Variants in MAGI2 observed in about 807,000 individuals in gnomAD.
The protein encoded by MAGI2 is membrane associated guanylate kinase, WW and PDZ domain containing 2.
In MAGI2, 35 loss-of-function variants were observed where a neutral mutation model predicts 133.3. That is an observed-to-expected ratio of 0.26 (90% CI 0.20 to 0.35). The LOEUF (loss-of-function observed/expected upper bound fraction) is 0.35, where lower values mean the gene tolerates loss of function less well. Ranked by LOEUF, MAGI2 falls within the 10% of genes least tolerant of loss-of-function variation. The probability of loss-of-function intolerance (pLI) is 1.00; values close to 1 mark genes in which losing one functional copy is unlikely to be tolerated. For synonymous variants in MAGI2, 729 were observed against 710.6 expected (o/e 1.03, Z -0.41); for missense variants, 1,636 against 1,863.4 (o/e 0.88, Z 2.25).
chr7:78,968,809 G>A (rs560158114), intron 2 of MAGI2, among the ~76,000 whole-genome samples: 2 of 152,124 alleles, frequency 1.3e-5, no homozygotes, highest in African/African-American at 4.8e-5. Context: ...ATTTCTGAGA[G>A]TTAAGGGGAG....
At chr7:79,149,972 T>C (rs928013113) in intron 1 of MAGI2, among the ~76,000 whole-genome samples, 1 of 152,116 alleles carries the variant, frequency 6.6e-6, no homozygotes. Flanking sequence ...AGTGTTGATA[T>C]GCAGGGGAGG....
chr7:78,896,027 T>C (rs998312738), intron 2 of MAGI2, among the ~76,000 whole-genome samples: 2 of 152,182 alleles, frequency 1.3e-5, no homozygotes, highest in Non-Finnish European at 1.5e-5. Context: ...AGAATGATTC[T>C]TTTTTCAAAT....
intron 1 of MAGI2, chr7:79,414,863 T>C (rs943103984): frequency 1.3e-5 from 2 of 152,124 alleles, no homozygotes; most frequent in Non-Finnish European, 2.9e-5. Flanking sequence ...TTCTGTAATA[T>C]TTCCAATCTA....
chr7:78,102,893 G>A (rs1240912895), intron 20 of MAGI2, among the ~76,000 whole-genome samples: 3 of 152,154 alleles, frequency 2.0e-5, no homozygotes, highest in South Asian at 2.1e-4. Context: ...TTTTACTTCC[G>A]TCTTATTTTC....
intron 1 of MAGI2, among the ~76,000 whole-genome samples, chr7:79,012,728 T>C (rs1808288268): frequency 6.6e-6 from 1 of 152,102 alleles, no homozygotes; most frequent in Non-Finnish European, 1.5e-5. Context: ...ACCTCATTTT[T>C]TCTCATCTAT....
chr7:78,552,270 A>G (rs1285670006), intron 3 of MAGI2, among the ~76,000 whole-genome samples: 1 of 128,360 alleles, frequency 7.8e-6, no homozygotes, highest in African/African-American at 3.0e-5. Flanking sequence ...CGCAACCTCC[A>G]CCTCCTGGGT....
chr7:79,402,583 C>T (rs1008614698), intron 1 of MAGI2, among the ~76,000 whole-genome samples: 5 of 152,266 alleles, frequency 3.3e-5, no homozygotes, highest in African/African-American at 1.2e-4. Flanking sequence ...ATCTTGTATC[C>T]TCTAAGTCCG....
intron 1 of MAGI2, among the ~76,000 whole-genome samples, chr7:79,130,911 TCA>T (rs1820880498): frequency 1.3e-5 from 2 of 151,974 alleles, no homozygotes; most frequent in African/African-American, 4.8e-5. Context: ...ATTCATTCAT[TCA>T]TTCATTCATT....
intron 3 of MAGI2, among the ~76,000 whole-genome samples, chr7:78,536,735 A>G (rs1395231627): frequency 7.3e-6 from 1 of 137,156 alleles, no homozygotes. Flanking sequence ...AAATTTCAAT[A>G]GTTTTTTTTT....
chr7:79,146,404 C>T (rs1468779830), intron 1 of MAGI2, among the ~76,000 whole-genome samples: 1 of 152,024 alleles, frequency 6.6e-6, no homozygotes, highest in Non-Finnish European at 1.5e-5. Flanking sequence ...TTTTGGTTTC[C>T]TACTGCCTAT....
chr7:78,867,842 G>A (rs1468439711), intron 2 of MAGI2, among the ~76,000 whole-genome samples: 1 of 152,034 alleles, frequency 6.6e-6, no homozygotes, highest in East Asian at 1.9e-4. Flanking sequence ...AATTTGGAAA[G>A]GGTCTACTAC....
chr7:78,974,699 C>G (rs1302921204), intron 2 of MAGI2, among the ~76,000 whole-genome samples: 2 of 151,632 alleles, frequency 1.3e-5, no homozygotes, highest in East Asian at 3.9e-4. Flanking sequence ...TTATAGTGTA[C>G]AATATGCTCA....
At chr7:78,935,043 A>C (rs1404727874) in intron 2 of MAGI2, among the ~76,000 whole-genome samples, 1 of 152,196 alleles carries the variant, frequency 6.6e-6, no homozygotes, top group Non-Finnish European at 1.5e-5. Flanking sequence ...ACTTACAAAG[A>C]TCACCATAAT....
chr7:78,501,966 A>G (rs547659458), intron 4 of MAGI2, among the ~76,000 whole-genome samples, 179 bp from the exon 5 acceptor site: 4 of 152,300 alleles, frequency 2.6e-5, no homozygotes, highest in South Asian at 4.1e-4. Context: ...TTCACTCGTC[A>G]TTGTCATCTA....
intron 1 of MAGI2, among the ~76,000 whole-genome samples, chr7:79,405,433 C>CT (rs1375923153): frequency 6.6e-6 from 1 of 152,120 alleles, no homozygotes; most frequent in Admixed American, 6.5e-5. Flanking sequence ...ATTCAGACAG[C>CT]ATTGGCCAAA....
At chr7:79,044,860 GAC>G (rs530163782) in intron 1 of MAGI2, among the ~76,000 whole-genome samples, 90 of 152,260 alleles carry the variant, frequency 5.9e-4, no homozygotes, top group Non-Finnish European at 1.2e-4. Context: ...GGAAAAGTTT[GAC>G]AGTTTCCTAT....
At chr7:78,640,689 G>T (rs894954285) in intron 2 of MAGI2, among the ~76,000 whole-genome samples, 2 of 152,184 alleles carry the variant, frequency 1.3e-5, no homozygotes, top group Non-Finnish European at 2.9e-5. Context: ...GGAGCAACTG[G>T]CTGGAGAGTT....
chr7:78,307,386 C>G (rs1798329135), intron 9 of MAGI2, among the ~76,000 whole-genome samples: 1 of 152,128 alleles, frequency 6.6e-6, no homozygotes, highest in Non-Finnish European at 1.5e-5. Context: ...TTACTGTTCT[C>G]TGGATACTAT....
intron 2 of MAGI2, among the ~76,000 whole-genome samples, chr7:78,904,892 C>T (rs529693173): frequency 2.6e-5 from 4 of 152,170 alleles, no homozygotes; most frequent in Non-Finnish European, 5.9e-5. Flanking sequence ...GTCTTCAGTT[C>T]GATGGCACAA....
Sources: allele counts gnomAD v4.1 joint callset (sites outside exome capture counted in the v4.1 genomes callset), GRCh38; gene constraint gnomAD v4.1.1; transcripts MANE v1.5; gene names NCBI Gene and HGNC (gene_info 2026-07-23, HGNC 2026-07-21).